The following GRIK4 variants were observed in gnomAD, a reference collection of about 807,000 sequenced individuals.
The protein encoded by GRIK4 is glutamate receptor ionotropic, kainate 4.
GRIK4 carries 40 observed loss-of-function variants against 104.9 expected under a neutral mutation model. The observed-to-expected ratio is 0.38, with a 90% CI of 0.30 to 0.50. The LOEUF is 0.50. GRIK4 is among the 20% of genes least tolerant of loss of function. The pLI, the probability that GRIK4 is intolerant of heterozygous loss-of-function variation, is 0.93. For missense variants in GRIK4, 1,047 were observed against 1,308.1 expected, an observed-to-expected ratio of 0.80 and a Z score of 3.08; for synonymous variants, 485 against 524.9, an observed-to-expected ratio of 0.92 and a Z score of 1.04.
chr11:120,700,282 T>C (rs1411571290), intron 3 of GRIK4, among the ~76,000 whole-genome samples: 1 of 149,092 alleles, frequency 6.7e-6, no homozygotes, highest in East Asian at 2.1e-4. Flanking sequence ...TTTTTTTTTT[T>C]TTTGAGATGG....
At chr11:120,514,569 A>G (rs1461123879) in intron 1 of GRIK4, among the ~76,000 whole-genome samples, 1 of 151,990 alleles carries the variant, frequency 6.6e-6, no homozygotes, top group African/African-American at 2.4e-5. Context: ...CTCTCCAGTG[A>G]TGGCTCACCG....
chr11:120,719,498 G>T (rs1407035626), intron 3 of GRIK4, among the ~76,000 whole-genome samples: 1 of 152,146 alleles, frequency 6.6e-6, no homozygotes, highest in African/African-American at 2.4e-5. Flanking sequence ...TCCTCTTCTG[G>T]TAAAGTCAGA....
intron 11 of GRIK4, among the ~76,000 whole-genome samples, chr11:120,893,062 T>C (rs1025267666): frequency 3.3e-5 from 5 of 152,232 alleles, no homozygotes; most frequent in African/African-American, 1.2e-4. Context: ...AGGGTAGCAC[T>C]GTATCAAGGC....
At chr11:120,725,295 A>T (rs1951009665) in intron 3 of GRIK4, among the ~76,000 whole-genome samples, 1 of 152,172 alleles carries the variant, frequency 6.6e-6, no homozygotes, top group African/African-American at 2.4e-5. Flanking sequence ...TTTTAGGAAA[A>T]TGTTCATGTT....
intron 3 of GRIK4, among the ~76,000 whole-genome samples, chr11:120,780,810 C>T (rs975529835): frequency 7.9e-5 from 12 of 152,126 alleles, no homozygotes; most frequent in Non-Finnish European, 1.3e-4. Context: ...GGCACGATCT[C>T]AGCTCACTGC....
intron 3 of GRIK4, among the ~76,000 whole-genome samples, chr11:120,793,066 C>T (rs565929101): frequency 5.8e-4 from 89 of 152,292 alleles, no homozygotes; most frequent in African/African-American, 2.0e-3. Flanking sequence ...CTTCTTAGGA[C>T]AGCACCTGGC....
At chr11:120,893,500 C>T (rs1449144531) in intron 11 of GRIK4, among the ~76,000 whole-genome samples, 1 of 152,206 alleles carries the variant, frequency 6.6e-6, no homozygotes, top group African/African-American at 2.4e-5. Flanking sequence ...CTCACCAGCT[C>T]TGCGAGTTAG....
At chr11:120,899,418 C>CAAA (rs57401981) in intron 12 of GRIK4, among the ~76,000 whole-genome samples, 5 of 71,814 alleles carry the variant, frequency 7.0e-5, no homozygotes, top group African/African-American at 2.0e-4. Flanking sequence ...GAGACTGTCT[C>CAAA]AAAAAAAAAA....
At position 120,815,415 on chromosome 11, in the gene GRIK4, C is replaced by T. The variant is rs36083836; in HGVS notation, c.285C>T (p.Leu95=). ...QILPKGVVAV[L]GPSSSPASSS... Reference sequence around the variant, plus strand: ...TCCCCAAGGGGGTGGTCGCTGTCCTCGGACCATCGTCCAGCCCAGCCTCCA... The same window carrying T: ...TCCCCAAGGGGGTGGTCGCTGTCCTTGGACCATCGTCCAGCCCAGCCTCCA... Residue 95 remains leucine, a synonymous_variant, in exon 5 of 21, where the codon CTC becomes CTT. Coordinates refer to ENST00000527524, the MANE Select transcript of GRIK4 (RefSeq NM_014619.5). The T allele has an allele frequency of 3.9e-6, 6 of 1,552,130 alleles. No individual in the cohort carries two copies. Among genetic ancestry groups the T allele is most frequent in the South Asian group, 2.4e-5 (2 of 83,800 alleles).
At chr11:120,959,750 A>T (rs1944247811) in intron 16 of GRIK4, among the ~76,000 whole-genome samples, 1 of 152,282 alleles carries the variant, frequency 6.6e-6, no homozygotes, top group African/African-American at 2.4e-5. Context: ...AATTTGAAAT[A>T]GCATGACCAT....
intron 13 of GRIK4, among the ~76,000 whole-genome samples, chr11:120,906,611 G>C (rs1942872452): frequency 6.6e-6 from 1 of 152,126 alleles, no homozygotes; most frequent in South Asian, 2.1e-4. Context: ...AACAAACTTG[G>C]AAATCAAATA....
chr11:120,535,956 CATCTCGCTGCATGT>C (rs1324051249), intron 1 of GRIK4, among the ~76,000 whole-genome samples: 2 of 152,196 alleles, frequency 1.3e-5, no homozygotes, highest in Non-Finnish European at 2.9e-5. Context: ...TCCTCCTGGC[CATCTCGCTGCATGT>C]ATCTCATGCT....
intron 3 of GRIK4, among the ~76,000 whole-genome samples, chr11:120,664,790 C>A (rs1949880219): frequency 6.6e-6 from 1 of 152,154 alleles, no homozygotes; most frequent in Non-Finnish European, 1.5e-5. Flanking sequence ...TTAAAGGGCA[C>A]AAAGTCTAGT....
intron 16 of GRIK4, among the ~76,000 whole-genome samples, chr11:120,958,830 C>A (rs1944225466): frequency 6.6e-6 from 1 of 152,184 alleles, no homozygotes; most frequent in African/African-American, 2.4e-5. Context: ...CACACACCAC[C>A]ACAGCTAAGC....
intron 1 of GRIK4, among the ~76,000 whole-genome samples, chr11:120,641,973 C>T (rs1231408672): frequency 6.6e-6 from 1 of 152,164 alleles, no homozygotes; most frequent in Non-Finnish European, 1.5e-5. Context: ...TCTGACCACC[C>T]CCGCTTCCCA....
intron 1 of GRIK4, among the ~76,000 whole-genome samples, chr11:120,516,052 C>T (rs1312758366): frequency 6.6e-6 from 1 of 152,120 alleles, no homozygotes; most frequent in East Asian, 1.9e-4. Context: ...GCATCCTCTG[C>T]CTTAAAAACC....
intron 1 of GRIK4, among the ~76,000 whole-genome samples, chr11:120,519,428 C>T (rs1947769879): frequency 6.6e-6 from 1 of 152,080 alleles, no homozygotes; most frequent in Non-Finnish European, 1.5e-5. Context: ...CCTCACCGCT[C>T]CCACCGTGTG....
chr11:120,935,686 T>C (rs1326184051), intron 13 of GRIK4, among the ~76,000 whole-genome samples: 1 of 152,240 alleles, frequency 6.6e-6, no homozygotes, highest in Admixed American at 6.5e-5. Context: ...AGTTATCATG[T>C]GTAAGCTTCA....
chr11:120,884,145 C>T (rs141204319), intron 11 of GRIK4, among the ~76,000 whole-genome samples: 1 of 152,232 alleles, frequency 6.6e-6, no homozygotes, highest in Non-Finnish European at 1.5e-5. Context: ...AGTTTCTGTT[C>T]TAGCATTCTG....
Sources: gnomAD v4.1 joint callset for allele counts (sites outside exome capture counted in the v4.1 genomes callset) on GRCh38, gnomAD v4.1.1 for gene constraint, MANE v1.5 for transcripts, NCBI Gene and HGNC (gene_info 2026-07-23, HGNC 2026-07-21) for gene names.